Variants in KIF13A observed in about 807,000 individuals in gnomAD.
The protein encoded by KIF13A is kinesin family member 13A.
In KIF13A, 79 loss-of-function variants were observed where a neutral mutation model predicts 212.2. The observed-to-expected ratio is 0.37, with a 90% CI of 0.31 to 0.45. The LOEUF (loss-of-function observed/expected upper bound fraction) is 0.45, where lower values mean the gene tolerates loss of function less well. KIF13A is among the 20% of genes least tolerant of loss of function. KIF13A has a pLI of 1.00. For synonymous variants in KIF13A, 789 were observed against 808.6 expected, an observed-to-expected ratio of 0.98 and a Z score of 0.41; for missense variants, 1,901 against 2,209.0, an observed-to-expected ratio of 0.86 and a Z score of 2.79.
intron 4 of KIF13A, among the ~76,000 whole-genome samples, chr6:17,865,546 C>A (rs1356968624): frequency 1.3e-5 from 2 of 152,140 alleles, no homozygotes; most frequent in Non-Finnish European, 2.9e-5. Context: ...GAATGCCCAG[C>A]TTGGATGAGG....
chr6:17,944,831 A>G (rs1305966183), intron 2 of KIF13A, among the ~76,000 whole-genome samples: 1 of 152,234 alleles, frequency 6.6e-6, no homozygotes, highest in Non-Finnish European at 1.5e-5. Context: ...AACTATCATT[A>G]GCAAACAAAA....
In KIF13A at chr6:17,794,866, T is replaced by C. The variant is rs575524810; in HGVS notation, c.2943-162A>G. On this transcript the variant is annotated intron_variant, in intron 23 of 38. Transcript: ENST00000259711. This position sits in a 1 kb window ranked among gnomAD's most constrained non-coding sequence, Gnocchi z 4.1. ...TTTAACTCTCAAAACCAACCTGTCA[T>C]ATTGTTTCTTTTTATTTATTTTACT... The C allele has an allele frequency of 1.3e-5, 8 of 639,248 alleles. No homozygotes were observed. The highest frequency in any genetic ancestry group is 5.5e-5 in the African/African-American group (3 of 54,460). The allele number at this position is 639,248 out of a possible 1,614,324, so 39.6% of individuals were successfully genotyped here. A position where few individuals can be genotyped will look rare whatever the true frequency, so the allele number is the denominator to read the frequency against.
At position 17,883,441 on chromosome 6, in the gene KIF13A, C is replaced by CA. The variant is rs1771262584; in HGVS notation, c.160-10005dup. 6.6e-6 allele frequency among the ~76,000 whole-genome samples: 1 copy of CA among 152,186 alleles called. No individual in the cohort carries two copies. Among genetic ancestry groups the CA allele is most frequent in the African/African-American group, 2.4e-5 (1 of 41,446 alleles). Reference sequence around the variant, plus strand: ...CATGTAAATCTGTTTTCACATGTGACATCTGCTTAAAATAGCACAGATCAG... The same window carrying CA: ...CATGTAAATCTGTTTTCACATGTGACAATCTGCTTAAAATAGCACAGATCAG... On this transcript the variant is annotated intron_variant, in intron 3 of 38. Transcript: ENST00000259711. This position sits in a 1 kb window ranked among gnomAD's most constrained non-coding sequence, Gnocchi z 4.8.
intron 2 of KIF13A, chr6:17,953,570 T>C (rs575594498): frequency 9.2e-5 from 14 of 152,428 alleles, no homozygotes; most frequent in South Asian, 4.1e-4. Context: ...ACCACCGGCA[T>C]GGCCGAAGAA....
chr6:17,804,150 T>A lies in KIF13A; in HGVS notation c.2454+211A>T, dbSNP rs543210946. ...CTGGGCGACAGAGTGAGACTCCGTC[T>A]CAAACAAACAAACAAACAAACAAAA... is the stretch of plus-strand genomic sequence containing the variant. On this transcript the variant is annotated intron_variant, in intron 20 of 38. Coordinates refer to ENST00000259711, the MANE Select transcript of KIF13A (RefSeq NM_022113.6). Among the ~76,000 whole-genome samples, 1,234 of 150,738 alleles carry A rather than the reference T, an allele frequency of 8.2e-3. 19 individuals carry two copies. Among genetic ancestry groups the A allele is most frequent in the African/African-American group, 0.029 (1,191 of 41,050 alleles).
Position 17,785,479 on chromosome 6 carries a change from C to T in KIF13A, c.3488+36G>A. The T allele has an allele frequency of 2.0e-6, 3 of 1,476,024 alleles. No homozygotes were observed. The highest frequency in any genetic ancestry group is 2.9e-5 in the African/African-American group (2 of 69,866). 91.4% of individuals were successfully genotyped at this position (1,476,024 alleles called of 1,614,324 possible). ...TCTTGCCACAGGCGACCTGTACCAT[C>T]TCCCCAGGTCTGCACAGAAGGGAGG... On this transcript the variant is annotated intron_variant, in intron 28 of 38. Transcript: ENST00000259711. The surrounding 1 kb of genome is among the most constrained non-coding windows in gnomAD (Gnocchi z 5.8).
intron 3 of KIF13A, among the ~76,000 whole-genome samples, chr6:17,891,626 C>T (rs1429222179): frequency 2.0e-5 from 3 of 152,014 alleles, no homozygotes; most frequent in African/African-American, 7.2e-5. Context: ...AGTGTGGTGG[C>T]TCATGTCTCT....
At position 17,939,396 on chromosome 6, in the gene KIF13A, A is replaced by C. The variant is rs1776754421; in HGVS notation, c.147-41216T>G. Among the ~76,000 whole-genome samples, 3 of 152,338 alleles carry C rather than the reference A, an allele frequency of 2.0e-5. No homozygotes were observed. In the South Asian group the frequency reaches 6.2e-4, roughly 32 times the overall value. The stretch of plus-strand genomic sequence containing the variant: ...GATAATAGCTCCTCAAGGCCATTCG[A>C]GTTTATTTTTCTTCAACAGTCTTGC... On this transcript the variant is annotated intron_variant, in intron 2 of 38. Transcript: ENST00000259711.
At chr6:17,937,739 C>CTTTT (rs1487188222) in intron 2 of KIF13A, among the ~76,000 whole-genome samples, 14 of 128,500 alleles carry the variant, frequency 1.1e-4, no homozygotes, top group African/African-American at 3.3e-4. Flanking sequence ...AATTTCTTTC[C>CTTTT]TTTTTTGTTT....
rs1048599453 is a variant in KIF13A, at chr6:17,914,738, A to G, written c.147-16558T>C. Among the ~76,000 whole-genome samples the G allele has an allele frequency of 7.9e-5, 12 of 152,162 alleles. No individual in the cohort carries two copies. The highest frequency in any genetic ancestry group is 2.9e-4 in the African/African-American group (12 of 41,438). On this transcript the variant is annotated intron_variant, in intron 2 of 38. Coordinates refer to ENST00000259711, the MANE Select transcript of KIF13A (RefSeq NM_022113.6). The surrounding 1 kb of genome is among the most constrained non-coding windows in gnomAD (Gnocchi z 5.9). Reference sequence around the variant, plus strand: ...CACAGAGCTCCTGCTGCTAATTGCCATGGCTGCAATTCCCAGTTTGGGCGA... The same window carrying G: ...CACAGAGCTCCTGCTGCTAATTGCCGTGGCTGCAATTCCCAGTTTGGGCGA...
chr6:17,957,183 C>T (rs1778415431), intron 2 of KIF13A, among the ~76,000 whole-genome samples: 1 of 152,116 alleles, frequency 6.6e-6, no homozygotes, highest in South Asian at 2.1e-4. Context: ...CACCAGGTCC[C>T]ACTTTTTTAT....
chr6:17,962,228 T>C (rs1482622547), intron 2 of KIF13A, among the ~76,000 whole-genome samples: 2 of 151,978 alleles, frequency 1.3e-5, no homozygotes, highest in African/African-American at 4.8e-5. Context: ...AGAGAACTAC[T>C]TGAACCCAGG....
Position 17,919,779 on chromosome 6 carries a change from AG to A in KIF13A, c.147-21600del, listed in dbSNP as rs1215473984. ...AGAGGTGAAAGCTGAGGGCAACCCA[AG>A]CCCCTTTCACCATGTGGAAAATAAT... is the stretch of plus-strand genomic sequence containing the variant. On this transcript the variant is annotated intron_variant, in intron 2 of 38. Transcript: ENST00000259711. This position sits in a 1 kb window ranked among gnomAD's most constrained non-coding sequence, Gnocchi z 4.1. Among the ~76,000 whole-genome samples the A allele has an allele frequency of 6.6e-6, 1 of 152,196 alleles. No individual in the cohort carries two copies. Among genetic ancestry groups the A allele is most frequent in the African/African-American group, 2.4e-5 (1 of 41,446 alleles).
At chr6:17,877,294 TAAAC>T (rs1463248245) in intron 3 of KIF13A, among the ~76,000 whole-genome samples, 2 of 152,326 alleles carry the variant, frequency 1.3e-5, no homozygotes, top group East Asian at 1.9e-4. Context: ...TTTTGTTACT[TAAAC>T]AAACATTCAC....
chr6:17,799,360 C>A lies in KIF13A; in HGVS notation c.2696G>T (p.Cys899Phe). The A allele has an allele frequency of 6.2e-7, 1 of 1,612,626 alleles. No individual in the cohort carries two copies. The highest frequency in any genetic ancestry group is 1.1e-5 in the South Asian group (1 of 90,728). ...VFCQYTFWDQ[C>F]ESTVAAPVVD... ...CACCGGGGCAGCCACCGTAGACTCA[C>A]ACTGGTCCCAGAATGTGTATTGACA... The change falls in exon 22 of 39, where the codon TGT becomes TTT. Residue 899 changes from cysteine (C) to phenylalanine (F), a missense_variant. Around this residue, in one of 5 missense-constraint regions of KIF13A, gnomAD observed 534 missense variants for 536.9 expected, o/e 0.99. Transcript: ENST00000259711. This position sits in a 1 kb window ranked among gnomAD's most constrained non-coding sequence, Gnocchi z 4.4.
chr6:17,801,348 A>G (rs1581343675), intron 20 of KIF13A, among the ~76,000 whole-genome samples: 1 of 151,982 alleles, frequency 6.6e-6, no homozygotes, highest in East Asian at 2.0e-4. Context: ...AAATAATTAA[A>G]AAAAAAATTA....
At chr6:17,972,664 G>A (rs1324158896) in intron 2 of KIF13A, among the ~76,000 whole-genome samples, 1 of 152,032 alleles carries the variant, frequency 6.6e-6, no homozygotes, top group African/African-American at 2.4e-5. Context: ...GCGCTTTCTG[G>A]TTTTCCTGAG....
intron 18 of KIF13A, among the ~76,000 whole-genome samples, chr6:17,806,707 C>G (rs985492679): frequency 6.6e-6 from 1 of 152,180 alleles, no homozygotes; most frequent in Non-Finnish European, 1.5e-5. Context: ...TGGTGAAACC[C>G]TGCCTCTACT....
In KIF13A at chr6:17,796,762, G is replaced by A. The variant is rs1266876591; in HGVS notation, c.2849C>T (p.Ala950Val). The change falls in exon 23 of 39, where the codon GCC becomes GTC. Residue 950 changes from alanine to valine, a missense_variant. Ala to Val is a moderately conservative substitution (Grantham distance 64, BLOSUM62 0). This residue lies in a region of KIF13A where 534 missense variants were observed against 536.9 expected (regional missense o/e 0.99). Transcript: ENST00000259711. ...ACACCGGTGGCCCCATACTTCAATG[G>A]CCAGTGCTCCATCTGAAATGAACTC... ...FLEFISDGAL[A>V]IEVWGHRCAG... is the part of the protein sequence containing the mutation. The A allele has an allele frequency of 1.9e-6, 3 of 1,583,542 alleles. No homozygotes were observed. Among genetic ancestry groups the A allele is most frequent in the Non-Finnish European group, 2.6e-6 (3 of 1,163,008 alleles).
Sources: gnomAD v4.1 joint callset for allele counts (sites outside exome capture counted in the v4.1 genomes callset) on GRCh38, gnomAD v4.1.1 for gene constraint, gnomAD v4.1.1 regional missense constraint, Gnocchi (gnomAD v3.1) non-coding constraint, MANE v1.5 for transcripts, NCBI Gene and HGNC (gene_info 2026-07-23, HGNC 2026-07-21) for gene names.